The following DNAH2 variants were observed in gnomAD, a reference collection of about 807,000 sequenced individuals.
DNAH2 encodes dynein axonemal heavy chain 2.
Under a neutral mutation model 523.5 loss-of-function variants are expected in DNAH2, and 323 were observed. That is an observed-to-expected ratio of 0.62 (90% CI 0.56 to 0.68). DNAH2 has a LOEUF of 0.68. DNAH2 is among the 30% of genes least tolerant of loss of function. The probability of loss-of-function intolerance (pLI) is 0.00; values close to 1 mark genes in which losing one functional copy is unlikely to be tolerated. For missense variants in DNAH2, 4,907 were observed against 5,701.5 expected, an observed-to-expected ratio of 0.86 and a Z score of 4.49; for synonymous variants, 2,093 against 2,177.4, an observed-to-expected ratio of 0.96 and a Z score of 1.08.
At chr17:7,799,693 C>T (rs1200488662) in intron 56 of DNAH2, among the ~76,000 whole-genome samples, 1 of 152,120 alleles carries the variant, frequency 6.6e-6, no homozygotes, top group Admixed American at 6.5e-5. Flanking sequence ...GCGGGGGCGC[C>T]TGTAGTCCCA....
In DNAH2 at chr17:7,718,279, G is replaced by A. The variant is rs559469450; in HGVS notation, c.-535G>A. On this transcript the variant is annotated 5_prime_UTR_variant, in exon 1 of 86. Coordinates refer to ENST00000572933, the MANE Select transcript of DNAH2 (RefSeq NM_020877.5). ...AAGCGCAGCTTGATGCTTCTCTGGA[G>A]ACTGATGGAGGAAGCCTCCTTGCTG... The A allele has an allele frequency of 1.3e-5, 2 of 152,300 alleles. No individual in the cohort carries two copies. Among genetic ancestry groups the A allele is most frequent in the Admixed American group, 1.3e-4 (2 of 15,294 alleles). 9.4% of individuals were successfully genotyped at this position (152,300 alleles called of 1,614,324 possible).
rs982430834 is a variant in DNAH2, at chr17:7,753,722, C to T, written c.1905-3369C>T. ...CAGCCCTTTGGGAGGCCAAGGTGGGCGGATCACCTGAGGTCAGGAGTTCGA... is the reference window on the plus strand; with the variant it reads ...CAGCCCTTTGGGAGGCCAAGGTGGGTGGATCACCTGAGGTCAGGAGTTCGA... On this transcript the variant is annotated intron_variant, in intron 12 of 85. Coordinates refer to ENST00000572933, the MANE Select transcript of DNAH2 (RefSeq NM_020877.5). 1.3e-4 allele frequency among the ~76,000 whole-genome samples: 20 copies of T among 151,996 alleles called. 1 individual carries two copies. Among genetic ancestry groups the T allele is most frequent in the Admixed American group, 9.2e-4 (14 of 15,250 alleles).
chr17:7,826,288 G>A (rs1197379956), intron 77 of DNAH2, among the ~76,000 whole-genome samples: 1 of 152,004 alleles, frequency 6.6e-6, no homozygotes, highest in Non-Finnish European at 1.5e-5. Flanking sequence ...CCAAAGTGCT[G>A]GGATTACAGG....
rs1255099194 is a variant in DNAH2 at position 7,821,804 on chromosome 17, A to G, written c.11142+435A>G. On this transcript the variant is annotated intron_variant, in intron 73 of 85. Coordinates refer to ENST00000572933, the MANE Select transcript of DNAH2 (RefSeq NM_020877.5). The surrounding 1 kb of genome is among the most constrained non-coding windows in gnomAD (Gnocchi z 5.0). ...TCCCTGCGCGGCCAGTGCACTGAGC[A>G]TGGCCGGAGAAGAACACATCCACAC... Among the ~76,000 whole-genome samples, 1 of 152,142 alleles carries G rather than the reference A, an allele frequency of 6.6e-6. No homozygotes were observed. Among genetic ancestry groups the G allele is most frequent in the Non-Finnish European group, 1.5e-5 (1 of 68,032 alleles).
chr17:7,797,625 TG>T (rs1281631548), intron 52 of DNAH2, 54 bp from the exon 53 acceptor site: 52 of 1,613,786 alleles, frequency 3.2e-5, no homozygotes, highest in Non-Finnish European at 4.4e-5. Context: ...TGGAGCCCTG[TG>T]GGGGGAGGCA....
chr17:7,754,969 A>G lies in DNAH2; in HGVS notation c.1905-2122A>G. The G allele has an allele frequency of 2.8e-6, 1 of 360,590 alleles. No individual in the cohort carries two copies. The highest frequency in any genetic ancestry group is 5.0e-6 in the Non-Finnish European group (1 of 200,300). 22.3% of individuals were successfully genotyped at this position (360,590 alleles called of 1,614,324 possible). A position where few individuals can be genotyped will look rare whatever the true frequency, so the allele number is the denominator to read the frequency against. On this transcript the variant is annotated intron_variant, in intron 12 of 85. Transcript: ENST00000572933. The surrounding 1 kb of genome is among the most constrained non-coding windows in gnomAD (Gnocchi z 4.6). The stretch of plus-strand genomic sequence containing the variant: ...TGGTACAAATAAGCCTGAGGCAGAA[A>G]AAAAAAAAAAAAGAATAGGCAGCCC...
At position 7,831,329 on chromosome 17, in the gene DNAH2, G is replaced by C; in HGVS notation, c.12459+15G>C. On this transcript the variant is annotated intron_variant, in intron 80 of 85. Coordinates refer to ENST00000572933, the MANE Select transcript of DNAH2 (RefSeq NM_020877.5). This position sits in a 1 kb window ranked among gnomAD's most constrained non-coding sequence, Gnocchi z 4.2. The stretch of plus-strand genomic sequence containing the variant: ...GGGAAGAGAAGGTAAAAAGAGCCGG[G>C]CCTGGGGGAGGGAAAGTGATGAGAA... 6.2e-7 allele frequency: 1 copy of C among 1,613,976 alleles called. No individual in the cohort carries two copies. The highest frequency in any genetic ancestry group is 1.1e-5 in the South Asian group (1 of 91,078).
At position 7,777,454 on chromosome 17, in the gene DNAH2, C is replaced by T. The variant is rs543255458; in HGVS notation, c.5067C>T (p.Ile1689=). 4 of 1,614,008 alleles carry T rather than the reference C, an allele frequency of 2.5e-6. No individual in the cohort carries two copies. In the African/African-American group the frequency reaches 4.0e-5, roughly 16 times the overall value. ...LKVMKKNQVS[I]LNKYSEAIRG... ...GCTGCTTCATGCCACAGGTGTCAAT[C>T]CTGAATAAGTATTCAGAAGCCATCA... The change falls in exon 33 of 86, where the codon ATC becomes ATT. Residue 1689 remains isoleucine (I), a synonymous_variant. Coordinates refer to ENST00000572933, the MANE Select transcript of DNAH2 (RefSeq NM_020877.5).
chr17:7,725,924 C>T (rs1162551166), intron 3 of DNAH2, among the ~76,000 whole-genome samples: 1 of 151,680 alleles, frequency 6.6e-6, no homozygotes, highest in African/African-American at 2.4e-5. Flanking sequence ...AGAGAGATTC[C>T]TTCTTCCAGG....
At chr17:7,725,608 T>G (rs1318584475) in intron 3 of DNAH2, among the ~76,000 whole-genome samples, 1 of 147,928 alleles carries the variant, frequency 6.8e-6, no homozygotes, top group South Asian at 2.2e-4. Context: ...GATTTTTGTA[T>G]TTTTTTTAGT....
chr17:7,798,516 G>T lies in DNAH2; in HGVS notation c.8399-42G>T. On this transcript the variant is annotated intron_variant, in intron 54 of 85. Coordinates refer to ENST00000572933, the MANE Select transcript of DNAH2 (RefSeq NM_020877.5). This position sits in a 1 kb window ranked among gnomAD's most constrained non-coding sequence, Gnocchi z 5.5. Reference sequence around the variant, plus strand: ...AGAAAAGGAATCAAGCCCAGGATGGGGAATCTGCAGTGAGTTTGTCCTCCT... The same window carrying T: ...AGAAAAGGAATCAAGCCCAGGATGGTGAATCTGCAGTGAGTTTGTCCTCCT... The T allele has an allele frequency of 6.2e-7, 1 of 1,609,252 alleles. No individual in the cohort carries two copies. The highest frequency in any genetic ancestry group is 8.5e-7 in the Non-Finnish European group (1 of 1,177,636).
At chr17:7,816,446 G>A in intron 63 of DNAH2, 125 bp from the exon 64 acceptor site, 1 of 1,117,768 alleles carries the variant, frequency 8.9e-7, no homozygotes, top group African/African-American at 1.6e-5. Context: ...AGGAAACTAG[G>A]CTCAAAGAGA....
chr17:7,764,151 G>A lies in DNAH2; in HGVS notation c.3214G>A (p.Gly1072Arg). The A allele has an allele frequency of 6.2e-7, 1 of 1,614,194 alleles. No homozygotes were observed. The highest frequency in any genetic ancestry group is 8.5e-7 in the Non-Finnish European group (1 of 1,180,040). The change falls in exon 20 of 86, where the codon GGG (glycine) becomes AGG (arginine). Residue 1072 changes from glycine (G) to arginine (R), a missense_variant. Coordinates refer to ENST00000572933, the MANE Select transcript of DNAH2 (RefSeq NM_020877.5). ...SRPPQTLEELGVSLQLVDALK... is the reference protein window; with the variant it reads ...SRPPQTLEELRVSLQLVDALK... ...CCCTCCGCAGACACTGGAGGAACTG[G>A]GGGTCAGCTTGCAGCTCGTGGATGC...
chr17:7,805,435 G>C (rs1167378789), intron 61 of DNAH2, 42 bp downstream of exon 61: 6 of 1,612,796 alleles, frequency 3.7e-6, no homozygotes, highest in South Asian at 1.1e-5. Context: ...CACTCACCCA[G>C]TGTTTATTGA....
At chr17:7,762,843 C>T (rs2076044362) in intron 18 of DNAH2, among the ~76,000 whole-genome samples, 2 of 151,464 alleles carry the variant, frequency 1.3e-5, no homozygotes, top group South Asian at 4.1e-4. Context: ...GTGAGGCAGG[C>T]TCTGTTACTG....
At chr17:7,775,437 G>A (rs569736889) in intron 30 of DNAH2, 95 bp downstream of exon 30, 71 of 1,224,154 alleles carry the variant, frequency 5.8e-5, no homozygotes, top group South Asian at 1.9e-4. Flanking sequence ...TGTAATCCCA[G>A]CACTTTGGGA....
At chr17:7,825,596 C>T (rs904679120) in intron 77 of DNAH2, among the ~76,000 whole-genome samples, 1 of 152,190 alleles carries the variant, frequency 6.6e-6, no homozygotes, top group African/African-American at 2.4e-5. Flanking sequence ...GACCAGATTG[C>T]AATACTTACT....
chr17:7,819,556 G>A (rs987302221), intron 72 of DNAH2, 148 bp downstream of exon 72: 8 of 792,256 alleles, frequency 1.0e-5, no homozygotes, highest in Admixed American at 4.4e-5. Context: ...TCACTCTCAT[G>A]GCTTAACCAT....
intron 28 of DNAH2, among the ~76,000 whole-genome samples, chr17:7,772,089 T>A (rs950702828): frequency 2.6e-5 from 4 of 152,110 alleles, no homozygotes; most frequent in African/African-American, 9.7e-5. Context: ...AAGAAAGGGA[T>A]GAACACACGG....
Sources: gnomAD v4.1 joint callset for allele counts (sites outside exome capture counted in the v4.1 genomes callset) on GRCh38, gnomAD v4.1.1 for gene constraint, Gnocchi (gnomAD v3.1) non-coding constraint, MANE v1.5 for transcripts, NCBI Gene and HGNC (gene_info 2026-07-23, HGNC 2026-07-21) for gene names.